ARHGEF18: variants seen among roughly 807,000 people sequenced by gnomAD.
ARHGEF18 encodes rho guanine nucleotide exchange factor 18.
ARHGEF18 carries 93 observed loss-of-function variants against 155.7 expected under a neutral mutation model. The observed-to-expected ratio is 0.60, with a 90% CI of 0.50 to 0.71. The LOEUF is 0.71. Ranked by LOEUF, ARHGEF18 falls within the 30% of genes least tolerant of loss-of-function variation. The pLI is 0.00. For missense variants in ARHGEF18, 1,593 were observed against 1,816.1 expected (o/e 0.88, Z 2.23); for synonymous variants, 742 against 753.1 (o/e 0.99, Z 0.24).
chr19:7,388,286 G>A (rs1971194934), intron 10 of ARHGEF18, among the ~76,000 whole-genome samples: 1 of 151,856 alleles, frequency 6.6e-6, no homozygotes, highest in Admixed American at 6.6e-5. Context: ...TAGAGACAAG[G>A]TCTTGCTATG....
rs548305968 is a variant in ARHGEF18, at chr19:7,378,684, CTTTTTTT to C, written c.599+253_599+259del. Among the ~76,000 whole-genome samples, 75 of 88,130 alleles carry C rather than the reference CTTTTTTT, an allele frequency of 8.5e-4. 4 individuals are homozygous for C. The highest frequency in any genetic ancestry group is 1.3e-3 in the African/African-American group (26 of 19,468). 57.8% of individuals were successfully genotyped at this position (88,130 alleles called of 152,430 possible). A position where few individuals can be genotyped will look rare whatever the true frequency, so the allele number is the denominator to read the frequency against. Reference sequence around the variant, plus strand: ...ATGTAGCCTTGGGAGACAATTGTGGCTTTTTTTTTTTTTTTTTTTTTTTTTTGAGATA... The same window carrying C: ...ATGTAGCCTTGGGAGACAATTGTGGCTTTTTTTTTTTTTTTTTTTGAGATA... On this transcript the variant is annotated intron_variant, in intron 6 of 28. Transcript: ENST00000668164.
chr19:7,469,793 G>T, intron 27 of ARHGEF18, 111 bp from the exon 28 acceptor site: 1 of 1,348,362 alleles, frequency 7.4e-7, no homozygotes, highest in African/African-American at 1.5e-5. Flanking sequence ...CAGGCCGCCC[G>T]TGGGAAGTGT....
chr19:7,404,087 C>T (rs549508024), intron 10 of ARHGEF18, among the ~76,000 whole-genome samples: 2 of 152,154 alleles, frequency 1.3e-5, no homozygotes, highest in Admixed American at 6.5e-5. Flanking sequence ...AAAAGAGATC[C>T]TCCTGCCTCA....
chr19:7,446,895 CA>C (rs11329734), intron 14 of ARHGEF18, 147 bp from the exon 15 acceptor site: 95,078 of 683,526 alleles, frequency 0.14, 3 homozygotes, highest in Non-Finnish European at 0.15. Context: ...GATGCTGTCT[CA>C]AAAAAAAAAA....
At chr19:7,458,299 A>T (rs1448179386) in intron 18 of ARHGEF18, among the ~76,000 whole-genome samples, 6 of 59,794 alleles carry the variant, frequency 1.0e-4, no homozygotes, top group South Asian at 6.2e-4. Context: ...AGATAGTTTA[A>T]AAAAAAAAAA....
intron 1 of ARHGEF18, among the ~76,000 whole-genome samples, chr19:7,357,465 G>C (rs1474886972): frequency 6.6e-6 from 1 of 152,176 alleles, no homozygotes; most frequent in Non-Finnish European, 1.5e-5. Context: ...GGCTGATGCT[G>C]TGGGGGCTGA....
In ARHGEF18 at chr19:7,383,478, T is replaced by G. The variant is rs958469755; in HGVS notation, c.967+275T>G. 9.0e-5 allele frequency: 36 copies of G among 399,066 alleles called. 1 individual carries two copies. The highest frequency in any genetic ancestry group is 1.5e-4 in the Non-Finnish European group (34 of 227,492). The allele number at this position is 399,066 out of a possible 1,614,324, so 24.7% of individuals were successfully genotyped here. A position where few individuals can be genotyped will look rare whatever the true frequency, so the allele number is the denominator to read the frequency against. On this transcript the variant is annotated intron_variant, in intron 10 of 28. Coordinates refer to ENST00000668164, the MANE Select transcript of ARHGEF18 (RefSeq NM_001367823.1). ...GGACTTGAGCCGTGTATGAGTTTGCTAGGGCTGTCATGACAAAGTACCATG... is the reference window on the plus strand; with the variant it reads ...GGACTTGAGCCGTGTATGAGTTTGCGAGGGCTGTCATGACAAAGTACCATG...
intron 10 of ARHGEF18, among the ~76,000 whole-genome samples, chr19:7,419,075 C>T (rs1373323952): frequency 3.4e-5 from 5 of 144,950 alleles, no homozygotes; most frequent in Admixed American, 2.7e-4. Flanking sequence ...TACCCACACT[C>T]GGCCTCTGTA....
At chr19:7,422,783 A>T (rs1242482580) in intron 10 of ARHGEF18, among the ~76,000 whole-genome samples, 1 of 133,940 alleles carries the variant, frequency 7.5e-6, no homozygotes, top group Non-Finnish European at 1.5e-5. Context: ...CAGTGGCAGG[A>T]TCTCGGCTCA....
intron 1 of ARHGEF18, among the ~76,000 whole-genome samples, chr19:7,349,579 A>G (rs1969108256): frequency 6.6e-6 from 1 of 151,730 alleles, no homozygotes; most frequent in African/African-American, 2.4e-5. Context: ...AGAGTTGGAG[A>G]CCAGCCCGGC....
At chr19:7,468,005 G>A (rs888975271) in intron 26 of ARHGEF18, among the ~76,000 whole-genome samples, 1 of 152,194 alleles carries the variant, frequency 6.6e-6, no homozygotes, top group Admixed American at 6.5e-5. Flanking sequence ...TTCCAGGCCA[G>A]CCTGGGTAAC....
chr19:7,368,466 G>A (rs1181335184), intron 2 of ARHGEF18, among the ~76,000 whole-genome samples: 1 of 152,082 alleles, frequency 6.6e-6, no homozygotes, highest in Non-Finnish European at 1.5e-5. Flanking sequence ...TCAGAACAAA[G>A]GTGCAAGCTC....
chr19:7,409,340 A>C (rs922737045), intron 10 of ARHGEF18, among the ~76,000 whole-genome samples: 1 of 150,760 alleles, frequency 6.6e-6, no homozygotes, highest in African/African-American at 2.4e-5. Context: ...AAAAAAAAAA[A>C]AAAAAAAGAC....
chr19:7,431,675 G>C (rs932589222), intron 10 of ARHGEF18, among the ~76,000 whole-genome samples: 1 of 152,160 alleles, frequency 6.6e-6, no homozygotes, highest in African/African-American at 2.4e-5. Context: ...ATTAGCGGGC[G>C]TGGCGGCGCA....
chr19:7,439,126 A>C (rs1021788588), intron 10 of ARHGEF18, among the ~76,000 whole-genome samples: 1 of 151,436 alleles, frequency 6.6e-6, no homozygotes. Context: ...CTTGTGATCA[A>C]CCCACCTCGG....
chr19:7,400,917 G>A (rs988412046), intron 10 of ARHGEF18, among the ~76,000 whole-genome samples: 3 of 152,124 alleles, frequency 2.0e-5, no homozygotes, highest in African/African-American at 7.2e-5. Context: ...AAGGAGGGGA[G>A]GACCATGTCA....
chr19:7,411,760 C>T (rs1036560104), intron 10 of ARHGEF18, among the ~76,000 whole-genome samples: 2 of 152,130 alleles, frequency 1.3e-5, no homozygotes, highest in Admixed American at 1.3e-4. Context: ...AACACTCACT[C>T]TCCATCCCCC....
chr19:7,475,983 G>A (rs1270549099), downstream of ARHGEF18, among the ~76,000 whole-genome samples: 2 of 152,182 alleles, frequency 1.3e-5, no homozygotes, highest in Admixed American at 6.5e-5. Flanking sequence ...TCCCGCACCC[G>A]TGTGACCCTG....
Position 7,352,531 on chromosome 19 carries a change from C to CTTTTTT in ARHGEF18, c.-111+3305_-111+3310dup, listed in dbSNP as rs35219215. On this transcript the variant is annotated intron_variant, in intron 1 of 28. Transcript: ENST00000668164. Reference sequence around the variant, plus strand: ...TGTCCTTCTCACTTTCCTAGGTTTCCTTTTTTTTTTTTTTTTTTTTGAGAT... The same window carrying CTTTTTT: ...TGTCCTTCTCACTTTCCTAGGTTTCCTTTTTTTTTTTTTTTTTTTTTTTTTTGAGAT... Among the ~76,000 whole-genome samples, 36 of 93,190 alleles carry CTTTTTT rather than the reference C, an allele frequency of 3.9e-4. 1 individual carries two copies. The highest frequency in any genetic ancestry group is 9.2e-4 in the African/African-American group (20 of 21,776). 61.1% of individuals were successfully genotyped at this position (93,190 alleles called of 152,430 possible). A position where few individuals can be genotyped will look rare whatever the true frequency, so the allele number is the denominator to read the frequency against.
Sources: gnomAD v4.1 joint callset for allele counts (sites outside exome capture counted in the v4.1 genomes callset) on GRCh38, gnomAD v4.1.1 for gene constraint, MANE v1.5 for transcripts, NCBI Gene and HGNC (gene_info 2026-07-23, HGNC 2026-07-21) for gene names.